Variants in NR2F1-AS1 observed in about 807,000 individuals in gnomAD.
NR2F1-AS1 encodes NR2F1 antisense RNA 1.
chr5:93,425,972 A>G (rs1161726395), intron 4 of NR2F1-AS1, among the ~76,000 whole-genome samples: 1 of 152,170 alleles, frequency 6.6e-6, no homozygotes, highest in Non-Finnish European at 1.5e-5. Flanking sequence ...GCCTACATTA[A>G]AAAAGATTTA....
chr5:93,464,329 T>C (rs1750172480), intron 4 of NR2F1-AS1, among the ~76,000 whole-genome samples: 1 of 152,210 alleles, frequency 6.6e-6, no homozygotes, highest in South Asian at 2.1e-4. Context: ...TTAAATGTCT[T>C]TCTTTTCTAA....
At chr5:93,479,375 C>T (rs1255220458) in intron 4 of NR2F1-AS1, among the ~76,000 whole-genome samples, 1 of 152,172 alleles carries the variant, frequency 6.6e-6, no homozygotes, top group Non-Finnish European at 1.5e-5. Context: ...CTTACAAAAT[C>T]CAGGCATTTA....
intron 4 of NR2F1-AS1, among the ~76,000 whole-genome samples, chr5:93,442,898 G>A (rs1749605816): frequency 6.6e-6 from 1 of 152,220 alleles, no homozygotes; most frequent in Non-Finnish European, 1.5e-5. Flanking sequence ...TTGCTGCTCT[G>A]CAGCCTCTGC....
chr5:93,429,751 T>C (rs200777447), intron 4 of NR2F1-AS1, among the ~76,000 whole-genome samples: 1 of 152,214 alleles, frequency 6.6e-6, no homozygotes, highest in African/African-American at 2.4e-5. Flanking sequence ...AAAGAATTGA[T>C]GGAATATCTT....
chr5:93,453,203 T>C (rs1040384418), intron 4 of NR2F1-AS1, among the ~76,000 whole-genome samples: 1 of 151,522 alleles, frequency 6.6e-6, no homozygotes, highest in African/African-American at 2.4e-5. Flanking sequence ...AACAACAGAA[T>C]AAAAGTGGCA....
intron 4 of NR2F1-AS1, among the ~76,000 whole-genome samples, chr5:93,492,423 T>G: frequency 6.6e-6 from 1 of 152,236 alleles, no homozygotes; most frequent in East Asian, 1.9e-4. Flanking sequence ...ACCAAACACT[T>G]AAATAAGAAT....
intron 4 of NR2F1-AS1, among the ~76,000 whole-genome samples, chr5:93,435,811 T>A (rs1036186069): frequency 7.9e-5 from 12 of 152,238 alleles, no homozygotes; most frequent in African/African-American, 2.9e-4. Flanking sequence ...AGACAATTGG[T>A]TTAACCCATC....
intron 4 of NR2F1-AS1, among the ~76,000 whole-genome samples, chr5:93,522,538 T>C (rs1416398844): frequency 6.6e-6 from 1 of 152,120 alleles, no homozygotes; most frequent in Non-Finnish European, 1.5e-5. Context: ...GAATGTGAAA[T>C]GAGGTGGGTG....
At chr5:93,564,229 A>C (rs1752566776) in intron 1 of NR2F1-AS1, among the ~76,000 whole-genome samples, 1 of 149,220 alleles carries the variant, frequency 6.7e-6, no homozygotes, top group South Asian at 2.2e-4. Flanking sequence ...GAAAATGGTT[A>C]CTATTATAAG....
At chr5:93,522,078 G>A (rs73133274) in intron 4 of NR2F1-AS1, among the ~76,000 whole-genome samples, 3,148 of 152,254 alleles carry the variant, frequency 0.021, 127 homozygotes, top group African/African-American at 0.072. Flanking sequence ...GGAGCTGGAT[G>A]TTATGATCCT....
At chr5:93,531,770 A>G (rs1751741188) in intron 4 of NR2F1-AS1, among the ~76,000 whole-genome samples, 1 of 152,220 alleles carries the variant, frequency 6.6e-6, no homozygotes, top group Non-Finnish European at 1.5e-5. Flanking sequence ...CCGTAGTAGC[A>G]TACAAACAGG....
chr5:93,500,233 A>G (rs1751049697), intron 4 of NR2F1-AS1, among the ~76,000 whole-genome samples: 1 of 152,212 alleles, frequency 6.6e-6, no homozygotes, highest in South Asian at 2.1e-4. Context: ...TCAATGCCTG[A>G]CTTTAAAGCT....
chr5:93,542,531 T>C lies in NR2F1-AS1; in HGVS notation n.638+11230A>G, dbSNP rs2149906680. ...TCAAATGTCCCCTAGGGGAAAAAAA[T>C]CATCCCCAGTTGAAAACCACTAGTT... On this transcript the variant is annotated intron_variant and non_coding_transcript_variant, in intron 4 of 5. Coordinates refer to ENST00000660523, the Ensembl canonical transcript of NR2F1-AS1. 2.0e-5 allele frequency: 3 copies of C among 152,098 alleles called. No homozygotes were observed. In the South Asian group the frequency reaches 6.2e-4, roughly 32 times the overall value. The allele number at this position is 152,098 out of a possible 1,614,324, so 9.4% of individuals were successfully genotyped here.
chr5:93,420,897 T>C (rs1490968341), intron 4 of NR2F1-AS1, among the ~76,000 whole-genome samples: 5 of 152,230 alleles, frequency 3.3e-5, no homozygotes, highest in African/African-American at 1.2e-4. Flanking sequence ...AAATGTTTTA[T>C]CAAACTGGGA....
chr5:93,490,993 A>G (rs1312888448), intron 4 of NR2F1-AS1, among the ~76,000 whole-genome samples: 44 of 96,394 alleles, frequency 4.6e-4, no homozygotes, highest in East Asian at 1.5e-3. Context: ...GACGGTGGTT[A>G]TAGTCATGGT....
At chr5:93,557,385 A>G (rs533707500) in intron 2 of NR2F1-AS1, among the ~76,000 whole-genome samples, 1 of 152,346 alleles carries the variant, frequency 6.6e-6, no homozygotes, top group East Asian at 1.9e-4. Flanking sequence ...TTACAGGCAT[A>G]TCTTGAAGAT....
intron 4 of NR2F1-AS1, among the ~76,000 whole-genome samples, chr5:93,479,135 C>T (rs1750548363): frequency 1.3e-5 from 2 of 152,054 alleles, no homozygotes; most frequent in South Asian, 4.1e-4. Flanking sequence ...ATCCTTAAGC[C>T]CTGTGGAAAG....
At chr5:93,522,000 A>C (rs1444462774) in intron 4 of NR2F1-AS1, among the ~76,000 whole-genome samples, 1 of 152,234 alleles carries the variant, frequency 6.6e-6, no homozygotes, top group Non-Finnish European at 1.5e-5. Flanking sequence ...AATGTGGTAC[A>C]TATATATCAT....
upstream of NR2F1-AS1, among the ~76,000 whole-genome samples, chr5:93,581,770 TC>T: frequency 9.7e-5 from 1 of 10,346 alleles, no homozygotes; most frequent in East Asian, 5.1e-3. Flanking sequence ...CCTCTCTCCC[TC>T]TCCCTCTCCC....
Sources: allele counts gnomAD v4.1 joint callset (sites outside exome capture counted in the v4.1 genomes callset), GRCh38; gene constraint gnomAD v4.1.1; transcripts MANE v1.5; gene names NCBI Gene and HGNC (gene_info 2026-07-23, HGNC 2026-07-21).